The following ZNF804B variants were observed in gnomAD, a reference collection of about 807,000 sequenced individuals.
The protein encoded by ZNF804B is zinc finger protein 804B.
ZNF804B carries 80 observed loss-of-function variants against 101.4 expected under a neutral mutation model. That is an observed-to-expected ratio of 0.79 (90% CI 0.66 to 0.95). ZNF804B has a LOEUF of 0.95. Among genes scored for constraint, ZNF804B ranks in the 40% least tolerant of loss-of-function variants. ZNF804B has a pLI of 0.00. For missense variants in ZNF804B, 1,673 were observed against 1,561.9 expected (o/e 1.07, Z -1.20); for synonymous variants, 622 against 558.8 (o/e 1.11, Z -1.59).
chr7:88,828,217 A>C (rs1185181758), intron 1 of ZNF804B, among the ~76,000 whole-genome samples: 1 of 152,152 alleles, frequency 6.6e-6, no homozygotes, highest in Non-Finnish European at 1.5e-5. Flanking sequence ...AATATGCAAT[A>C]AATGCAACCA....
At position 89,222,854 on chromosome 7, in the gene ZNF804B, C is replaced by G. The variant is rs190588162; in HGVS notation, c.249+4559C>G. Among the ~76,000 whole-genome samples the G allele has an allele frequency of 9.2e-4, 139 of 151,904 alleles. 1 individual carries two copies. Among genetic ancestry groups the G allele is most frequent in the Non-Finnish European group, 1.6e-3 (110 of 67,814 alleles). ...ATTGAGAATTTTTGTATACGCTTCC[C>G]ACTTTAAAAAACATTGGAATAATTA... On this transcript the variant is annotated intron_variant, in intron 2 of 3. Coordinates refer to ENST00000333190, the MANE Select transcript of ZNF804B (RefSeq NM_181646.5).
chr7:88,976,023 G>A (rs11971861), intron 1 of ZNF804B, among the ~76,000 whole-genome samples: 27,530 of 151,560 alleles, frequency 0.18, 2,666 homozygotes, highest in Middle Eastern at 0.23. Flanking sequence ...TTATTGAAGA[G>A]ACTGTCCTTT....
intron 1 of ZNF804B, among the ~76,000 whole-genome samples, chr7:89,048,974 A>G (rs1789156079): frequency 6.6e-6 from 1 of 151,966 alleles, no homozygotes; most frequent in Non-Finnish European, 1.5e-5. Flanking sequence ...TACTTCTTAT[A>G]AAATATTTGC....
intron 1 of ZNF804B, among the ~76,000 whole-genome samples, chr7:88,994,621 G>A (rs1409051913): frequency 6.6e-6 from 1 of 151,938 alleles, no homozygotes; most frequent in African/African-American, 2.4e-5. Flanking sequence ...TTACACTTCA[G>A]TAGTCTTTCA....
At chr7:89,058,664 C>T (rs1789332227) in intron 1 of ZNF804B, among the ~76,000 whole-genome samples, 1 of 152,056 alleles carries the variant, frequency 6.6e-6, no homozygotes, top group African/African-American at 2.4e-5. Context: ...GTCAAATTTA[C>T]CCCTCAGAAA....
At chr7:89,140,058 T>C (rs958547358) in intron 1 of ZNF804B, among the ~76,000 whole-genome samples, 8 of 152,056 alleles carry the variant, frequency 5.3e-5, no homozygotes, top group Non-Finnish European at 1.0e-4. Flanking sequence ...AATGTTTGTG[T>C]TAGTGGGCAT....
intron 1 of ZNF804B, among the ~76,000 whole-genome samples, chr7:88,977,953 A>G (rs1481323079): frequency 1.3e-5 from 2 of 151,588 alleles, no homozygotes; most frequent in Admixed American, 6.6e-5. Context: ...GTTTCAAGAC[A>G]TTTTAAAACT....
At chr7:88,813,747 G>A (rs1201663675) in intron 1 of ZNF804B, among the ~76,000 whole-genome samples, 1 of 152,044 alleles carries the variant, frequency 6.6e-6, no homozygotes, top group East Asian at 1.9e-4. Flanking sequence ...ATGTAATTTG[G>A]AAATATTCTT....
At chr7:89,218,047 A>T (rs1788923375) in intron 1 of ZNF804B, 108 bp from the exon 2 acceptor site, 1 of 1,112,674 alleles carries the variant, frequency 9.0e-7, no homozygotes, top group Non-Finnish European at 1.3e-6. Flanking sequence ...CCAGAAAACA[A>T]TGTGCTCCGT....
chr7:88,769,027 A>T (rs556715552), intron 1 of ZNF804B, among the ~76,000 whole-genome samples: 19 of 152,314 alleles, frequency 1.2e-4, no homozygotes, highest in Admixed American at 9.1e-4. Context: ...TTCAGTAAAC[A>T]TTAACAGTGA....
At chr7:89,303,964 G>A (rs1790522006) in intron 2 of ZNF804B, among the ~76,000 whole-genome samples, 1 of 151,878 alleles carries the variant, frequency 6.6e-6, no homozygotes, top group Non-Finnish European at 1.5e-5. Context: ...TACTAACCAA[G>A]ACAGACTTAA....
intron 1 of ZNF804B, among the ~76,000 whole-genome samples, chr7:89,069,320 C>T (rs1789500317): frequency 1.3e-5 from 2 of 152,146 alleles, no homozygotes; most frequent in Non-Finnish European, 2.9e-5. Flanking sequence ...AAGGAAAACT[C>T]ATGTACCATT....
chr7:88,919,011 T>A (rs1165412975), intron 1 of ZNF804B, among the ~76,000 whole-genome samples: 1 of 152,160 alleles, frequency 6.6e-6, no homozygotes, highest in African/African-American at 2.4e-5. Context: ...TTACTTAATT[T>A]TTTTTTATGG....
At chr7:88,960,423 G>GGATGGT (rs1185096902) in intron 1 of ZNF804B, among the ~76,000 whole-genome samples, 4 of 151,274 alleles carry the variant, frequency 2.6e-5, no homozygotes, top group African/African-American at 9.7e-5. Flanking sequence ...CGGGAGTGGG[G>GGATGGT]GATGGTGCTC....
At chr7:88,935,410 A>G (rs1048976129) in intron 1 of ZNF804B, among the ~76,000 whole-genome samples, 4 of 151,494 alleles carry the variant, frequency 2.6e-5, no homozygotes, top group African/African-American at 9.7e-5. Context: ...CTGGCCAGCC[A>G]TAGTGGCTCA....
intron 2 of ZNF804B, among the ~76,000 whole-genome samples, chr7:89,234,284 G>A (rs1789245270): frequency 6.7e-6 from 1 of 149,230 alleles, no homozygotes; most frequent in Non-Finnish European, 1.5e-5. Context: ...TTTTATTGTG[G>A]TCAACCCCCT....
At chr7:88,765,573 A>G (rs1284262177) in intron 1 of ZNF804B, among the ~76,000 whole-genome samples, 1 of 151,558 alleles carries the variant, frequency 6.6e-6, no homozygotes, top group Non-Finnish European at 1.5e-5. Flanking sequence ...TTTTTTCAAG[A>G]TACACATTGT....
intron 2 of ZNF804B, among the ~76,000 whole-genome samples, chr7:89,265,303 C>CGCGCGCGCGT (rs143178076): frequency 0.11 from 15,365 of 135,912 alleles, 890 homozygotes; most frequent in African/African-American, 0.16. Context: ...TGCGCGTGCG[C>CGCGCGCGCGT]GCGCGCACAC....
intron 1 of ZNF804B, among the ~76,000 whole-genome samples, chr7:89,071,907 A>G (rs1789547861): frequency 6.6e-6 from 1 of 152,142 alleles, no homozygotes; most frequent in South Asian, 2.1e-4. Flanking sequence ...AAGTTTTCTT[A>G]CAAATCCTAC....
Sources: gnomAD v4.1 joint callset for allele counts (sites outside exome capture counted in the v4.1 genomes callset) on GRCh38, gnomAD v4.1.1 for gene constraint, MANE v1.5 for transcripts, NCBI Gene and HGNC (gene_info 2026-07-23, HGNC 2026-07-21) for gene names.